Variants in DYNC2LI1 observed in about 807,000 individuals in gnomAD.
DYNC2LI1 encodes dynein cytoplasmic 2 light intermediate chain 1, also known as cytoplasmic dynein 2 light intermediate chain 1.
In DYNC2LI1, 45 loss-of-function variants were observed where a neutral mutation model predicts 51.9. The observed-to-expected ratio is 0.87, with a 90% confidence interval of 0.68 to 1.11. The LOEUF (loss-of-function observed/expected upper bound fraction) is 1.11, where lower values mean the gene tolerates loss of function less well. Among genes scored for constraint, DYNC2LI1 ranks in the 50% most tolerant of loss-of-function variants. The pLI is 0.00. For missense variants in DYNC2LI1, 490 were observed against 417.4 expected (o/e 1.17, Z -1.51); for synonymous variants, 130 against 137.8 (o/e 0.94, Z 0.40).
the DYNC2LI1 span, among the ~76,000 whole-genome samples, chr2:43,820,998 C>A: frequency 6.6e-6 from 1 of 151,908 alleles, no homozygotes; most frequent in Non-Finnish European, 1.5e-5. Flanking sequence ...ATCCATGCAC[C>A]TTTCCTCTTA....
rs775238952 is a variant in DYNC2LI1 at position 43,796,712 on chromosome 2, C to T, written c.577-6C>T. 6.2e-7 allele frequency: 1 copy of T among 1,605,124 alleles called. No individual in the cohort carries two copies. Among genetic ancestry groups the T allele is most frequent in the South Asian group, 1.1e-5 (1 of 90,696 alleles). Reference sequence around the variant, plus strand: ...CTTGACTTTTTAAAATAACATATTTCTACAGGATTTTGAGTCTGAGAAGAG... The same window carrying T: ...CTTGACTTTTTAAAATAACATATTTTTACAGGATTTTGAGTCTGAGAAGAG... On this transcript the variant is annotated splice_polypyrimidine_tract_variant and splice_region_variant and intron_variant, in intron 7 of 12. Coordinates refer to ENST00000260605, the MANE Select transcript of DYNC2LI1 (RefSeq NM_016008.4).
At chr2:43,809,658 A>T (rs771796704) in intron 12 of DYNC2LI1, 47 bp from the exon 13 acceptor site, 1 of 1,419,650 alleles carries the variant, frequency 7.0e-7, no homozygotes, top group Non-Finnish European at 9.8e-7. Flanking sequence ...GCCTCCTTGA[A>T]TTAGTAAAGT....
rs762046678 is a variant in DYNC2LI1, at chr2:43,809,813, A to G, written c.*46A>G. 1 of 1,566,162 alleles carries G rather than the reference A, an allele frequency of 6.4e-7. No individual in the cohort carries two copies. Among genetic ancestry groups the G allele is most frequent in the Admixed American group, 1.9e-5 (1 of 53,254 alleles). ...ATTTATTTCTTCTTTTCCAAATACA[A>G]ATAAGATTATACTGTGAATTAACTA... On this transcript the variant is annotated 3_prime_UTR_variant, in exon 13 of 13. Transcript: ENST00000260605.
the DYNC2LI1 span, among the ~76,000 whole-genome samples, chr2:43,815,478 T>C: frequency 6.6e-6 from 1 of 152,210 alleles, no homozygotes; most frequent in South Asian, 2.1e-4. Context: ...CACACATCCA[T>C]GATGTTCTTG....
At chr2:43,824,655 T>C in the DYNC2LI1 span, 1 of 984,986 alleles carries the variant, frequency 1.0e-6, no homozygotes, top group Non-Finnish European at 1.2e-6. Flanking sequence ...CAGCTAATTA[T>C]GCTCTGATAA....
chr2:43,778,412 C>CT, intron 2 of DYNC2LI1, among the ~76,000 whole-genome samples: 1 of 152,226 alleles, frequency 6.6e-6, no homozygotes, highest in East Asian at 1.9e-4. Context: ...TCTCAGCCTC[C>CT]TAGAATGCTG....
chr2:43,812,732 A>C, downstream of DYNC2LI1: 1 of 202,320 alleles, frequency 4.9e-6, no homozygotes, highest in Non-Finnish European at 1.0e-5. Context: ...GGAATCCTTG[A>C]AACATTTTAT....
chr2:43,785,693 C>A lies in DYNC2LI1; in HGVS notation c.162-1488C>A, dbSNP rs550667660. Reference sequence around the variant, plus strand: ...AGGTTGCAGTGACCCAAGATTGTGCCACTGCAAAAAAAATAAATAAATAAA... The same window carrying A: ...AGGTTGCAGTGACCCAAGATTGTGCAACTGCAAAAAAAATAAATAAATAAA... On this transcript the variant is annotated intron_variant, in intron 3 of 12. Transcript: ENST00000260605. Among the ~76,000 whole-genome samples, 10 of 148,396 alleles carry A rather than the reference C, an allele frequency of 6.7e-5. 2 individuals carry two copies. The East Asian group carries it at 1.9e-3, about 29-fold the overall frequency.
the DYNC2LI1 span, among the ~76,000 whole-genome samples, chr2:43,825,354 C>T: frequency 5.3e-5 from 8 of 152,082 alleles, no homozygotes; most frequent in East Asian, 9.7e-4. Flanking sequence ...TGAGTGACCT[C>T]GGGCGAGCAG....
chr2:43,810,274 A>G (rs915422645), downstream of DYNC2LI1: 3 of 774,962 alleles, frequency 3.9e-6, no homozygotes, highest in African/African-American at 1.9e-5. Context: ...CCCCACACCT[A>G]GAGTGTCGCC....
At chr2:43,822,478 G>GC in the DYNC2LI1 span, 12,230 of 461,140 alleles carry the variant, frequency 0.027, 351 homozygotes, top group South Asian at 0.073. Flanking sequence ...CCTCCCCCAG[G>GC]CCCCCCCCCA....
chr2:43,779,925 T>C (rs1330888810), intron 2 of DYNC2LI1, among the ~76,000 whole-genome samples: 5 of 152,170 alleles, frequency 3.3e-5, no homozygotes, highest in Non-Finnish European at 7.3e-5. Flanking sequence ...AGGAAGGTGA[T>C]TACCTGGGGC....
In DYNC2LI1 at chr2:43,781,955, A is replaced by G. The variant is rs148714126; in HGVS notation, c.127-1565A>G. ...ATTACCTTCAAATCCTTCAGCTAGA[A>G]ATAATCATTATTAACATAGTGATGT... On this transcript the variant is annotated intron_variant, in intron 2 of 12. Transcript: ENST00000260605. 6.4e-3 allele frequency among the ~76,000 whole-genome samples: 970 copies of G among 152,136 alleles called. 11 individuals carry two copies. The highest frequency in any genetic ancestry group is 0.022 in the African/African-American group (907 of 41,484).
At chr2:43,813,312 GT>G, downstream of DYNC2LI1, 2 of 1,605,092 alleles carry the variant, frequency 1.2e-6, no homozygotes, top group Non-Finnish European at 1.7e-6. Context: ...TGAGCTGCCT[GT>G]CAAGGAAAAG....
rs1343130453 is a variant in DYNC2LI1, at chr2:43,794,482, G to T, written c.346G>T (p.Asp116Tyr). 1.9e-6 allele frequency: 3 copies of T among 1,612,872 alleles called. No individual in the cohort carries two copies. Among genetic ancestry groups the T allele is most frequent in the Admixed American group, 1.7e-5 (1 of 59,880 alleles). Residue 116 changes from aspartate (D) to tyrosine (Y), a missense_variant, in exon 6 of 13, where the codon GAT (aspartate) becomes TAT (tyrosine). Physicochemically the swap from Asp to Tyr is radical, Grantham distance 160 (BLOSUM62 -3). Transcript: ENST00000260605. ...LRTFSLVLVL[D>Y]LSKPNDLWPT... ...GACGTTTTCTCTTGTTCTCGTTCTG[G>T]ATCTTTCAAAACCTAATGATCTCTG... is the stretch of plus-strand genomic sequence containing the variant.
chr2:43,824,606 G>C, the DYNC2LI1 span: 1 of 985,436 alleles, frequency 1.0e-6, no homozygotes, highest in Non-Finnish European at 1.2e-6. Context: ...GCAGGGCCTT[G>C]AGGATCCCAT....
the DYNC2LI1 span, chr2:43,822,770 C>T: frequency 6.2e-7 from 1 of 1,613,952 alleles, no homozygotes; most frequent in East Asian, 2.2e-5. Flanking sequence ...GGGAGCCCGG[C>T]CCTGGGTGAA....
At chr2:43,776,402 C>T (rs924439647) in intron 1 of DYNC2LI1, among the ~76,000 whole-genome samples, 1 of 152,152 alleles carries the variant, frequency 6.6e-6, no homozygotes, top group Non-Finnish European at 1.5e-5. Flanking sequence ...GTACTTTTCC[C>T]ATCTTCCTAG....
rs754487554 is a variant in DYNC2LI1 at position 43,774,122 on chromosome 2, C to T, written c.-17C>T. ...TACTCCGAGCCTGTGACGTTTGCGG[C>T]AGCCAGGCCGTCGACGATGCCCAGG... On this transcript the variant is annotated 5_prime_UTR_variant, in exon 1 of 13. Transcript: ENST00000260605. The T allele has an allele frequency of 1.7e-5, 27 of 1,613,740 alleles. No homozygotes were observed. The highest frequency in any genetic ancestry group is 2.2e-5 in the Non-Finnish European group (26 of 1,179,936).
Sources: allele counts gnomAD v4.1 joint callset (sites outside exome capture counted in the v4.1 genomes callset), GRCh38; gene constraint gnomAD v4.1.1; transcripts MANE v1.5; gene names NCBI Gene and HGNC (gene_info 2026-07-23, HGNC 2026-07-21).